LARP4B: variants seen among roughly 807,000 people sequenced by gnomAD.
LARP4B encodes the protein la-related protein 4B.
LARP4B carries 12 observed loss-of-function variants against 89.8 expected under a neutral mutation model. That is an observed-to-expected ratio of 0.13 (90% confidence interval 0.09 to 0.22). LARP4B has a LOEUF of 0.22. Among genes scored for constraint, LARP4B ranks in the 10% least tolerant of loss-of-function variants. LARP4B has a pLI of 1.00. For synonymous variants in LARP4B, 367 were observed against 363.3 expected (o/e 1.01, Z -0.12); for missense variants, 757 against 947.7 (o/e 0.80, Z 2.64).
At chr10:983,863 C>T in the LARP4B span, among the ~76,000 whole-genome samples, 1 of 152,168 alleles carries the variant, frequency 6.6e-6, no homozygotes, top group Non-Finnish European at 1.5e-5. Flanking sequence ...TGTCCAGACA[C>T]ATACATTCTG....
chr10:919,189 C>T (rs11253512), intron 1 of LARP4B, among the ~76,000 whole-genome samples: 1 of 152,234 alleles, frequency 6.6e-6, no homozygotes, highest in East Asian at 1.9e-4. Context: ...AAGTACAGGG[C>T]CTGTATCTCT....
chr10:927,890 T>A (rs1162978360), intron 1 of LARP4B, among the ~76,000 whole-genome samples: 1 of 152,204 alleles, frequency 6.6e-6, no homozygotes, highest in African/African-American at 2.4e-5. Flanking sequence ...ATAAGAGTAC[T>A]GTATGCATGA....
the LARP4B span, among the ~76,000 whole-genome samples, chr10:937,857 C>G: frequency 6.6e-6 from 1 of 152,088 alleles, no homozygotes; most frequent in Non-Finnish European, 1.5e-5. Context: ...ATTAACATTA[C>G]TGGATTTTAT....
the LARP4B span, chr10:971,695 TG>T: frequency 6.6e-6 from 1 of 152,166 alleles, no homozygotes; most frequent in Non-Finnish European, 1.5e-5. Context: ...TGACAGAAAC[TG>T]GAAGGGCAAA....
chr10:936,287 G>C (rs376233834), upstream of LARP4B, among the ~76,000 whole-genome samples: 9 of 152,228 alleles, frequency 5.9e-5, no homozygotes, highest in African/African-American at 2.2e-4. Context: ...GTGAGGCTGT[G>C]TAGAGTGCTT....
At chr10:962,163 G>A in the LARP4B span, among the ~76,000 whole-genome samples, 1 of 151,954 alleles carries the variant, frequency 6.6e-6, no homozygotes. Flanking sequence ...AGGTGTGGTA[G>A]CTCATGCCTG....
At chr10:948,162 A>G in the LARP4B span, among the ~76,000 whole-genome samples, 3 of 152,028 alleles carry the variant, frequency 2.0e-5, no homozygotes, top group Non-Finnish European at 4.4e-5. Context: ...CAGCTCACAC[A>G]CGGTCAAAGA....
chr10:890,490 A>C (rs771852995), intron 1 of LARP4B, among the ~76,000 whole-genome samples: 4 of 152,220 alleles, frequency 2.6e-5, no homozygotes, highest in Non-Finnish European at 5.9e-5. Flanking sequence ...TAAACAAAGA[A>C]AAGAGTGAAT....
chr10:901,570 TG>T (rs1836346354), intron 1 of LARP4B, among the ~76,000 whole-genome samples: 3 of 152,230 alleles, frequency 2.0e-5, no homozygotes. Context: ...TTTAGTCTTT[TG>T]TTTTTTTCAA....
the LARP4B span, among the ~76,000 whole-genome samples, chr10:937,397 CAAAT>C: frequency 5.9e-5 from 9 of 152,246 alleles, no homozygotes; most frequent in African/African-American, 2.2e-4. Context: ...GCAGGAATCA[CAAAT>C]GAATGCTAAA....
chr10:915,008 G>T (rs1485733049), intron 1 of LARP4B, among the ~76,000 whole-genome samples: 1 of 152,172 alleles, frequency 6.6e-6, no homozygotes, highest in Non-Finnish European at 1.5e-5. Context: ...CACAAATGCA[G>T]GGCCAGAGTC....
In LARP4B at chr10:814,053, G is replaced by A. The variant is rs1204314158; in HGVS notation, c.1929+689C>T. 1.3e-5 allele frequency among the ~76,000 whole-genome samples: 2 copies of A among 151,920 alleles called. No homozygotes were observed. The highest frequency in any genetic ancestry group is 2.1e-4 in the South Asian group (1 of 4,816). ...CCTGACCGCATGATCTGCCTACCTC[G>A]GCCTCCCAAAGTGCTGGGATTACAG... On this transcript the variant is annotated intron_variant, in intron 17 of 17. Transcript: ENST00000316157. This position sits in a 1 kb window ranked among gnomAD's most constrained non-coding sequence, Gnocchi z 4.4.
At chr10:943,142 T>C in the LARP4B span, among the ~76,000 whole-genome samples, 1 of 152,032 alleles carries the variant, frequency 6.6e-6, no homozygotes, top group Non-Finnish European at 1.5e-5. Flanking sequence ...AGACAGGGTT[T>C]CGTCATGTTG....
chr10:905,080 T>C (rs1463831640), intron 1 of LARP4B, among the ~76,000 whole-genome samples: 1 of 152,230 alleles, frequency 6.6e-6, no homozygotes, highest in Non-Finnish European at 1.5e-5. Context: ...AGATACCTCA[T>C]TATGTATATG....
intron 13 of LARP4B, among the ~76,000 whole-genome samples, chr10:824,471 C>A (rs1312456134): frequency 6.6e-6 from 1 of 152,214 alleles, no homozygotes; most frequent in East Asian, 1.9e-4. Flanking sequence ...CCAGCCTGGG[C>A]AACGGAGTGA....
At chr10:904,426 T>C (rs1013219388) in intron 1 of LARP4B, among the ~76,000 whole-genome samples, 6 of 147,048 alleles carry the variant, frequency 4.1e-5, no homozygotes, top group Non-Finnish European at 6.0e-5. Context: ...TGGTGACATG[T>C]GCCTGTAGTC....
intron 1 of LARP4B, among the ~76,000 whole-genome samples, chr10:919,280 CCTCT>C (rs1235409919): frequency 2.0e-5 from 3 of 152,182 alleles, no homozygotes; most frequent in South Asian, 2.1e-4. Flanking sequence ...GAACGCTGAC[CCTCT>C]CTAAGAGCTG....
intron 1 of LARP4B, among the ~76,000 whole-genome samples, chr10:926,138 C>T (rs1451794048): frequency 1.3e-5 from 2 of 152,296 alleles, no homozygotes; most frequent in South Asian, 2.1e-4. Flanking sequence ...TAAACATCTA[C>T]AGTTTACCAG....
intron 5 of LARP4B, among the ~76,000 whole-genome samples, chr10:860,449 A>T (rs777292318): frequency 1.5e-4 from 23 of 152,200 alleles, no homozygotes; most frequent in Non-Finnish European, 2.8e-4. Flanking sequence ...CTACCAGATG[A>T]TCCAGCTACT....
Sources: gnomAD v4.1 joint callset for allele counts (sites outside exome capture counted in the v4.1 genomes callset) on GRCh38, gnomAD v4.1.1 for gene constraint, Gnocchi (gnomAD v3.1) non-coding constraint, MANE v1.5 for transcripts, NCBI Gene and HGNC (gene_info 2026-07-23, HGNC 2026-07-21) for gene names.